The following COL19A1 variants were observed in gnomAD, a reference collection of about 807,000 sequenced individuals.
COL19A1 encodes the protein collagen alpha-1(XIX) chain.
In COL19A1, 159 loss-of-function variants were observed where a neutral mutation model predicts 190.2. The observed-to-expected ratio is 0.84, with a 90% CI of 0.73 to 0.95. The LOEUF is 0.95. Among genes scored for constraint, COL19A1 ranks in the 40% least tolerant of loss-of-function variants. The probability of loss-of-function intolerance (pLI) is 0.00; values close to 1 mark genes in which losing one functional copy is unlikely to be tolerated. For synonymous variants in COL19A1, 509 were observed against 458.9 expected (o/e 1.11, Z -1.39); for missense variants, 1,418 against 1,431.9 (o/e 0.99, Z 0.16).
At chr6:70,050,841 C>T (rs905405107) in intron 14 of COL19A1, among the ~76,000 whole-genome samples, 5 of 152,036 alleles carry the variant, frequency 3.3e-5, no homozygotes, top group African/African-American at 1.2e-4. Flanking sequence ...TTTAAGACTC[C>T]TATTATCTGT....
At chr6:70,042,528 C>T (rs868746565) in intron 14 of COL19A1, among the ~76,000 whole-genome samples, 3 of 152,154 alleles carry the variant, frequency 2.0e-5, no homozygotes, top group Non-Finnish European at 4.4e-5. Flanking sequence ...AGGGTCTTGC[C>T]TCCATATTGA....
rs3828774 is a variant in COL19A1 at position 70,157,690 on chromosome 6, A to G, written c.2292+967A>G. 4.5e-4 allele frequency among the ~76,000 whole-genome samples: 69 copies of G among 152,244 alleles called. No individual in the cohort carries two copies. In the East Asian group the frequency reaches 0.012, roughly 26 times the overall value. On this transcript the variant is annotated intron_variant, in intron 34 of 50. Coordinates refer to ENST00000620364, the MANE Select transcript of COL19A1 (RefSeq NM_001858.6). Reference sequence around the variant, plus strand: ...TCAATATTTATTTTCATCCATAAATAAAACATTATCTTCAAAATAAGTTAT... The same window carrying G: ...TCAATATTTATTTTCATCCATAAATGAAACATTATCTTCAAAATAAGTTAT...
chr6:70,184,671 G>A (rs2150290485), intron 44 of COL19A1, 32 bp from the exon 45 acceptor site: 3 of 1,546,322 alleles, frequency 1.9e-6, no homozygotes, highest in East Asian at 2.2e-5. Flanking sequence ...TTAATGCAGA[G>A]TTAGAAATAT....
chr6:70,197,739 T>C (rs1034233518), intron 48 of COL19A1, among the ~76,000 whole-genome samples: 2 of 152,288 alleles, frequency 1.3e-5, no homozygotes, highest in Non-Finnish European at 2.9e-5. Context: ...GGGACCAGCA[T>C]CCATTAGATC....
intron 4 of COL19A1, among the ~76,000 whole-genome samples, chr6:69,921,112 CATAT>C (rs1275355280): frequency 1.0e-5 from 1 of 97,840 alleles, no homozygotes; most frequent in Admixed American, 1.4e-4. Flanking sequence ...TATTCATATA[CATAT>C]ATATCACATA....
intron 14 of COL19A1, among the ~76,000 whole-genome samples, chr6:70,043,760 C>T (rs995765421): frequency 5.9e-5 from 9 of 152,146 alleles, no homozygotes; most frequent in African/African-American, 1.2e-4. Context: ...TTTGTCATTC[C>T]GCTTATAGAG....
At chr6:70,100,511 A>G (rs933981303) in intron 15 of COL19A1, among the ~76,000 whole-genome samples, 1 of 150,414 alleles carries the variant, frequency 6.6e-6, no homozygotes, top group Non-Finnish European at 1.5e-5. Flanking sequence ...ACTACTATTA[A>G]TAATTATATT....
At chr6:69,912,543 A>G (rs1413022023) in intron 4 of COL19A1, among the ~76,000 whole-genome samples, 4 of 152,126 alleles carry the variant, frequency 2.6e-5, no homozygotes, top group African/African-American at 9.6e-5. Context: ...TGCAAATGCT[A>G]CTCTGTGAGA....
chr6:70,085,831 C>T (rs1235014320), intron 15 of COL19A1, among the ~76,000 whole-genome samples: 2 of 152,258 alleles, frequency 1.3e-5, no homozygotes, highest in Middle Eastern at 3.4e-3. Context: ...ACATCTTAAA[C>T]TCCATTTAAA....
intron 11 of COL19A1, among the ~76,000 whole-genome samples, chr6:69,966,186 G>A (rs940564471): frequency 2.0e-5 from 3 of 152,122 alleles, no homozygotes; most frequent in South Asian, 4.1e-4. Flanking sequence ...TGCCCCGTGC[G>A]GGAGGTGGGG....
intron 17 of COL19A1, among the ~76,000 whole-genome samples, chr6:70,125,351 G>A (rs1016436859): frequency 1.3e-5 from 2 of 152,180 alleles, no homozygotes; most frequent in Non-Finnish European, 2.9e-5. Context: ...TTCTGCTGAA[G>A]CAACTACCCA....
chr6:70,090,682 C>T (rs1782865897), intron 15 of COL19A1, among the ~76,000 whole-genome samples: 1 of 152,060 alleles, frequency 6.6e-6, no homozygotes, highest in African/African-American at 2.4e-5. Context: ...GCAATTTTAC[C>T]TTCTGGCCTA....
chr6:70,140,880 G>A, intron 19 of COL19A1, 74 bp from the exon 20 acceptor site: 2 of 1,433,170 alleles, frequency 1.4e-6, no homozygotes, highest in Non-Finnish European at 2.0e-6. Context: ...TGGCCTATAG[G>A]GTTTATCCAC....
At chr6:70,156,978 A>G (rs1385785899) in intron 34 of COL19A1, among the ~76,000 whole-genome samples, 1 of 152,120 alleles carries the variant, frequency 6.6e-6, no homozygotes, top group Non-Finnish European at 1.5e-5. Flanking sequence ...GTTTTCATTT[A>G]ACAGATAATA....
chr6:69,870,086 C>T (rs1172849070), intron 1 of COL19A1, among the ~76,000 whole-genome samples: 2 of 152,104 alleles, frequency 1.3e-5, no homozygotes, highest in African/African-American at 4.8e-5. Flanking sequence ...TTTCTTTATG[C>T]CCATCATTCT....
intron 2 of COL19A1, chr6:69,891,128 G>A: frequency 5.3e-6 from 1 of 187,538 alleles, no homozygotes; most frequent in South Asian, 9.7e-5. Flanking sequence ...ACAAGGGGAG[G>A]GATAAGGACA....
chr6:70,068,447 C>A lies in COL19A1; in HGVS notation c.1195C>A (p.Gln399Lys). ...GGGTTCCCTGGGGATACAAGGCCCC[C>A]AAGGTCCACCTGGAAAAGAGGGTCA... is the stretch of plus-strand genomic sequence containing the variant. Reference protein sequence around the residue: ...LPGSLGIQGPQGPPGKEGQRG... With the variant: ...LPGSLGIQGPKGPPGKEGQRG... Residue 399 changes from glutamine (Q) to lysine (K), a missense_variant, in exon 15 of 51, where the codon CAA becomes AAA. Physicochemically the swap from Gln to Lys is moderately conservative, Grantham distance 53. Transcript: ENST00000620364. 1 of 1,601,100 alleles carries A rather than the reference C, an allele frequency of 6.2e-7. No homozygotes were observed. The highest frequency in any genetic ancestry group is 8.6e-7 in the Non-Finnish European group (1 of 1,169,334).
chr6:70,175,873 C>A (rs1765769777), intron 41 of COL19A1, among the ~76,000 whole-genome samples: 1 of 152,098 alleles, frequency 6.6e-6, no homozygotes, highest in Admixed American at 6.5e-5. Context: ...CCTTTTATGT[C>A]CCTGAGTAAA....
intron 12 of COL19A1, among the ~76,000 whole-genome samples, chr6:70,024,289 G>T (rs1778605987): frequency 6.6e-6 from 1 of 152,140 alleles, no homozygotes. Flanking sequence ...ACTCTGAAAT[G>T]TAATTTTATT....
Sources: gnomAD v4.1 joint callset for allele counts (sites outside exome capture counted in the v4.1 genomes callset) on GRCh38, gnomAD v4.1.1 for gene constraint, MANE v1.5 for transcripts, NCBI Gene and HGNC (gene_info 2026-07-23, HGNC 2026-07-21) for gene names.